Variants in ITK observed in about 807,000 individuals in gnomAD.
ITK encodes the protein tyrosine-protein kinase ITK/TSK.
A neutral mutation model predicts 87.6 loss-of-function variants in ITK; 45 were observed. The ratio of observed to expected loss-of-function variants is 0.51; its 90% CI spans 0.40 to 0.66. ITK has a LOEUF of 0.66. ITK is among the 30% of genes least tolerant of loss of function. ITK has a pLI of 0.00. For missense variants in ITK, 605 were observed against 766.3 expected (o/e 0.79, Z 2.48); for synonymous variants, 303 against 273.6 (o/e 1.11, Z -1.06).
Position 157,238,585 on chromosome 5 carries a change from T to A in ITK, c.851+394T>A, listed in dbSNP as rs185222835. On this transcript the variant is annotated intron_variant, in intron 9 of 16. Coordinates refer to ENST00000422843, the MANE Select transcript of ITK (RefSeq NM_005546.4). ...ATAAAACTACCTACCATTAACTGAGTCTTTATTATGTGCCAGAAAATATGC... is the reference window on the plus strand; with the variant it reads ...ATAAAACTACCTACCATTAACTGAGACTTTATTATGTGCCAGAAAATATGC... Among the ~76,000 whole-genome samples the A allele has an allele frequency of 9.2e-5, 14 of 152,180 alleles. No individual in the cohort carries two copies. In the East Asian group the frequency reaches 2.7e-3, roughly 29 times the overall value.
At position 157,253,438 on chromosome 5, in the gene ITK, TG is replaced by T. The variant is rs1230777422; in HGVS notation, c.*762del. On this transcript the variant is annotated 3_prime_UTR_variant, in exon 17 of 17. Transcript: ENST00000422843. ...ACCAGAACAAGAGAACCTCTGACGGTGGAGAACCATGTGGTGCAAGAAGAGA... is the reference window on the plus strand; with the variant it reads ...ACCAGAACAAGAGAACCTCTGACGGTGAGAACCATGTGGTGCAAGAAGAGA... The T allele has an allele frequency of 4.4e-6, 1 of 225,598 alleles. No individual in the cohort carries two copies. The highest frequency in any genetic ancestry group is 8.8e-6 in the Non-Finnish European group (1 of 113,454). 14.0% of individuals were successfully genotyped at this position (225,598 alleles called of 1,614,324 possible). A position where few individuals can be genotyped will look rare whatever the true frequency, so the allele number is the denominator to read the frequency against.
rs34482255 is a variant in ITK, at chr5:157,248,957, C to A, written c.1741C>A (p.Arg581=). 6 of 1,613,766 alleles carry A rather than the reference C, an allele frequency of 3.7e-6. No homozygotes were observed. The highest frequency in any genetic ancestry group is 3.3e-5 in the Admixed American group (2 of 59,988). The part of the protein sequence containing the change: ...ISTGFRLYKP[R]LASTHVYQIM... ...TACCGGATTTCGGTTGTACAAGCCCCGGCTGGCCTCCACACACGTCTACCA... is the reference window on the plus strand; with the variant it reads ...TACCGGATTTCGGTTGTACAAGCCCAGGCTGGCCTCCACACACGTCTACCA... Residue 581 remains arginine (R), a synonymous_variant, in exon 16 of 17, where the codon CGG becomes AGG. Coordinates refer to ENST00000422843, the MANE Select transcript of ITK (RefSeq NM_005546.4).
chr5:157,219,060 G>C (rs1265465342), intron 5 of ITK, among the ~76,000 whole-genome samples: 3 of 151,004 alleles, frequency 2.0e-5, no homozygotes, highest in African/African-American at 7.3e-5. Context: ...CTTTAGGTAG[G>C]GAATATGACC....
intron 1 of ITK, among the ~76,000 whole-genome samples, chr5:157,207,505 A>G (rs1376614031): frequency 1.4e-5 from 2 of 144,560 alleles, no homozygotes; most frequent in Non-Finnish European, 3.0e-5. Flanking sequence ...CTCAGCCTCC[A>G]GAGTAGCTGG....
At chr5:157,182,620 T>G (rs1753558488) in intron 1 of ITK, among the ~76,000 whole-genome samples, 1 of 152,190 alleles carries the variant, frequency 6.6e-6, no homozygotes, top group Non-Finnish European at 1.5e-5. Flanking sequence ...ATTTATCATG[T>G]AGAGCTAATA....
At chr5:157,227,974 G>A (rs538272407) in intron 6 of ITK, among the ~76,000 whole-genome samples, 20 of 151,804 alleles carry the variant, frequency 1.3e-4, no homozygotes, top group Admixed American at 1.1e-3. Flanking sequence ...GGGACTACAG[G>A]CATGTACCAC....
chr5:157,200,776 A>G (rs558219218), intron 1 of ITK, among the ~76,000 whole-genome samples: 12 of 152,330 alleles, frequency 7.9e-5, no homozygotes, highest in African/African-American at 2.6e-4. Flanking sequence ...AGGCACAGGC[A>G]CAAAGGAGGC....
chr5:157,220,176 G>GGGCCAGTCCTCCGGGGACT (rs1003248401), intron 5 of ITK, among the ~76,000 whole-genome samples: 10 of 152,204 alleles, frequency 6.6e-5, no homozygotes, highest in African/African-American at 2.4e-4. Flanking sequence ...ACTGTGAGCA[G>GGGCCAGTCCTCCGGGGACT]GGCCAGTCCT....
intron 1 of ITK, among the ~76,000 whole-genome samples, chr5:157,196,821 CA>C (rs924480835): frequency 1.3e-5 from 2 of 152,132 alleles, no homozygotes; most frequent in Middle Eastern, 3.2e-3. Flanking sequence ...AAAGAAGACA[CA>C]AAAAATACGT....
At chr5:157,250,751 C>T (rs1026182511) in intron 16 of ITK, among the ~76,000 whole-genome samples, 2 of 152,078 alleles carry the variant, frequency 1.3e-5, no homozygotes, top group Non-Finnish European at 2.9e-5. Context: ...AATCAATCCA[C>T]CTCAGGCCTC....
chr5:157,184,662 T>C (rs1753606059), intron 1 of ITK, among the ~76,000 whole-genome samples: 1 of 152,214 alleles, frequency 6.6e-6, no homozygotes, highest in African/African-American at 2.4e-5. Flanking sequence ...TCTTTCTGCC[T>C]GTGTCCTATT....
rs1754978573 is a variant in ITK, at chr5:157,244,375, C to T, written c.1346C>T (p.Thr449Ile). ...EHGCLSDYLR[T>I]QRGLFAAETL... The stretch of plus-strand genomic sequence containing the variant: ...GGCTGCCTGTCAGATTATCTACGCA[C>T]CCAGCGGGGACTTTTTGCTGCAGAG... Residue 449 changes from threonine to isoleucine, a missense_variant, in exon 13 of 17, where the codon ACC becomes ATC. Around this residue, in one of 3 missense-constraint regions of ITK, gnomAD observed 464 missense variants for 578.0 expected, o/e 0.80. Coordinates refer to ENST00000422843, the MANE Select transcript of ITK (RefSeq NM_005546.4). 1.2e-6 allele frequency: 2 copies of T among 1,613,854 alleles called. No individual in the cohort carries two copies. Among genetic ancestry groups the T allele is most frequent in the South Asian group, 1.1e-5 (1 of 91,078 alleles).
At chr5:157,226,840 C>T (rs1754541773) in intron 6 of ITK, among the ~76,000 whole-genome samples, 2 of 151,998 alleles carry the variant, frequency 1.3e-5, no homozygotes, top group Non-Finnish European at 2.9e-5. Context: ...TGCTCTGTCA[C>T]CCAGGCCAGA....
intron 6 of ITK, among the ~76,000 whole-genome samples, chr5:157,223,559 C>T (rs1008520934): frequency 1.3e-5 from 2 of 152,098 alleles, no homozygotes; most frequent in South Asian, 4.1e-4. Context: ...ACTACTTTCC[C>T]ACTATGCAAC....
chr5:157,224,419 A>G lies in ITK; in HGVS notation c.647+1405A>G, dbSNP rs943827484. 4 of 152,266 alleles carry G rather than the reference A, an allele frequency of 2.6e-5. No individual in the cohort carries two copies. The East Asian group carries it at 7.7e-4, about 29-fold the overall frequency. The allele number at this position is 152,266 out of a possible 1,614,324, so 9.4% of individuals were successfully genotyped here. A position where few individuals can be genotyped will look rare whatever the true frequency, so the allele number is the denominator to read the frequency against. ...TTCTGCATCTTGCTTTTAATTTTTA[A>G]TGATATTAATACACATTGAAGATCT... On this transcript the variant is annotated intron_variant, in intron 6 of 16. Transcript: ENST00000422843.
rs1754973760 is a variant in ITK, at chr5:157,244,249, C to CT, written c.1233-8dup. 6.2e-7 allele frequency: 1 copy of CT among 1,612,466 alleles called. No homozygotes were observed. Among genetic ancestry groups the CT allele is most frequent in the South Asian group, 1.1e-5 (1 of 91,040 alleles). ...GAGTTTAGGCCATCTCACCCCTTGTCTTTTTCCTCCAGGAAACTCTCTCAT... is the reference window on the plus strand; with the variant it reads ...GAGTTTAGGCCATCTCACCCCTTGTCTTTTTTCCTCCAGGAAACTCTCTCAT... On this transcript the variant is annotated splice_polypyrimidine_tract_variant and intron_variant, in intron 12 of 16. Coordinates refer to ENST00000422843, the MANE Select transcript of ITK (RefSeq NM_005546.4).
intron 1 of ITK, among the ~76,000 whole-genome samples, chr5:157,187,366 T>A (rs1753665644): frequency 6.6e-6 from 1 of 152,108 alleles, no homozygotes. Flanking sequence ...TCATGCATCA[T>A]TTGTGGAGGG....
intron 6 of ITK, among the ~76,000 whole-genome samples, chr5:157,226,392 G>C (rs35608043): frequency 0.016 from 2,491 of 152,324 alleles, 29 homozygotes; most frequent in Non-Finnish European, 0.027. Flanking sequence ...ATTATTTGAT[G>C]CATTAATATA....
At position 157,238,119 on chromosome 5, in the gene ITK, G is replaced by C; in HGVS notation, c.779G>C (p.Gly260Ala). 1 of 1,613,302 alleles carries C rather than the reference G, an allele frequency of 6.2e-7. No individual in the cohort carries two copies. The highest frequency in any genetic ancestry group is 8.5e-7 in the Non-Finnish European group (1 of 1,179,286). Residue 260 changes from glycine (G) to alanine (A), a missense_variant, in exon 9 of 17, where the codon GGA (glycine) becomes GCA (alanine). Around this residue, in one of 3 missense-constraint regions of ITK, gnomAD observed 464 missense variants for 578.0 expected, o/e 0.80. Transcript: ENST00000422843. ...EKLLLDTGKE[G>A]AFMVRDSRTA... Reference sequence around the variant, plus strand: ...TTCTAACCATTCCAGGGCAAAGAAGGAGCCTTCATGGTAAGGGATTCCAGG... The same window carrying C: ...TTCTAACCATTCCAGGGCAAAGAAGCAGCCTTCATGGTAAGGGATTCCAGG...
Sources: allele counts gnomAD v4.1 joint callset (sites outside exome capture counted in the v4.1 genomes callset), GRCh38; gene constraint gnomAD v4.1.1; regional missense constraint gnomAD v4.1.1; transcripts MANE v1.5; gene names NCBI Gene and HGNC (gene_info 2026-07-23, HGNC 2026-07-21).